The following DENND4A variants were observed in gnomAD, a reference collection of about 807,000 sequenced individuals.
The protein encoded by DENND4A is C-myc promoter-binding protein.
Under a neutral mutation model 199.3 loss-of-function variants are expected in DENND4A, and 70 were observed. The ratio of observed to expected loss-of-function variants is 0.35; its 90% confidence interval spans 0.29 to 0.43. DENND4A has a LOEUF of 0.43. Among genes scored for constraint, DENND4A ranks in the 20% least tolerant of loss-of-function variants. The pLI, the probability that DENND4A is intolerant of heterozygous loss-of-function variation, is 1.00. For synonymous variants in DENND4A, 686 were observed against 766.9 expected (o/e 0.89, Z 1.74); for missense variants, 1,723 against 2,255.8 (o/e 0.76, Z 4.78).
At chr15:65,683,459 G>T (rs902392200) in intron 23 of DENND4A, among the ~76,000 whole-genome samples, 2 of 151,914 alleles carry the variant, frequency 1.3e-5, no homozygotes, top group Non-Finnish European at 2.9e-5. Flanking sequence ...GTTTCTTAAG[G>T]CAGAACCATA....
intron 4 of DENND4A, among the ~76,000 whole-genome samples, chr15:65,742,391 C>A (rs928478729): frequency 6.6e-6 from 1 of 151,860 alleles, no homozygotes; most frequent in African/African-American, 2.4e-5. Flanking sequence ...TCAAGTGATT[C>A]TCATGCCTCA....
At position 65,748,622 on chromosome 15, in the gene DENND4A, TAA is replaced by T. The variant is rs35086835; in HGVS notation, c.561+3755_561+3756del. ...GGGTGACAGAACAAGATCCTGTCTC[TAA>T]AAAAAAAAAAACAAACAAAAAAAAC... On this transcript the variant is annotated intron_variant, in intron 4 of 32. Coordinates refer to ENST00000443035, the MANE Select transcript of DENND4A (RefSeq NM_001320835.1). Among the ~76,000 whole-genome samples, 12 of 127,862 alleles carry T rather than the reference TAA, an allele frequency of 9.4e-5. No homozygotes were observed. The East Asian group carries it at 1.1e-3, about 11-fold the overall frequency. 83.9% of individuals were successfully genotyped at this position (127,862 alleles called of 152,430 possible).
intron 4 of DENND4A, among the ~76,000 whole-genome samples, chr15:65,750,323 G>A (rs962333319): frequency 6.6e-6 from 1 of 152,004 alleles, no homozygotes; most frequent in African/African-American, 2.4e-5. Context: ...AAGACGCTGG[G>A]GACTACTAGA....
chr15:65,699,735 A>G (rs1166723293), intron 20 of DENND4A, among the ~76,000 whole-genome samples: 1 of 150,116 alleles, frequency 6.7e-6, no homozygotes, highest in Non-Finnish European at 1.5e-5. Context: ...GCTGGAGTGC[A>G]GTGGCTTGAT....
intron 7 of DENND4A, 98 bp from the exon 8 acceptor site, chr15:65,732,916 T>C (rs1483864270): frequency 3.0e-6 from 2 of 673,776 alleles, no homozygotes; most frequent in African/African-American, 3.6e-5. Context: ...CAAAGCCCTG[T>C]GTCCCTATTA....
chr15:65,664,192 T>A (rs999738957), intron 32 of DENND4A, 138 bp downstream of exon 32: 41 of 545,638 alleles, frequency 7.5e-5, no homozygotes, highest in East Asian at 2.6e-4. Context: ...CACCTCTTGG[T>A]CCTTAGCAAC....
Position 65,691,318 on chromosome 15 carries a change from G to C in DENND4A, c.3276C>G (p.Asn1092Lys). 1 of 1,613,384 alleles carries C rather than the reference G, an allele frequency of 6.2e-7. No homozygotes were observed. The highest frequency in any genetic ancestry group is 8.5e-7 in the Non-Finnish European group (1 of 1,179,708). ...CTATATCTCCAGGGGTTGCTTCCTG[G>C]TTAATTCTATTGAGCATAAATCCCA... ...VLMGFMLNRINQEATPGDIVE... is the reference protein window; with the variant it reads ...VLMGFMLNRIKQEATPGDIVE... The change falls in exon 23 of 33, where the codon AAC (asparagine) becomes AAG (lysine). Residue 1092 changes from asparagine (N) to lysine (K), a missense_variant. This residue lies in a region of DENND4A where 650 missense variants were observed against 738.1 expected (regional missense o/e 0.88). Transcript: ENST00000443035.
intron 1 of DENND4A, among the ~76,000 whole-genome samples, chr15:65,783,134 G>T (rs1414154185): frequency 2.0e-5 from 3 of 152,120 alleles, no homozygotes; most frequent in Non-Finnish European, 2.9e-5. Context: ...AGGGGAAAAG[G>T]TTTGATTTAA....
intron 11 of DENND4A, among the ~76,000 whole-genome samples, chr15:65,723,487 C>G (rs565570166): frequency 6.6e-6 from 1 of 151,990 alleles, no homozygotes; most frequent in African/African-American, 2.4e-5. Context: ...ACCTATTATA[C>G]TAAATTACTT....
Position 65,700,601 on chromosome 15 carries a change from C to G in DENND4A, c.2776G>C (p.Ala926Pro). Residue 926 changes from alanine to proline, a missense_variant, in exon 20 of 33, where the codon GCA becomes CCA. Physicochemically the swap from Ala to Pro is conservative, Grantham distance 27. Coordinates refer to ENST00000443035, the MANE Select transcript of DENND4A (RefSeq NM_001320835.1). ...TTGATTAAACCCGTATTAAAAGGTG[C>G]CTGCTCCACAGTGTGTGTCCCATGA... ...SGHGTHTVEQ[A>P]PFNTGLIKVY... 3.2e-6 allele frequency: 5 copies of G among 1,546,062 alleles called. No homozygotes were observed. The highest frequency in any genetic ancestry group is 4.4e-6 in the Non-Finnish European group (5 of 1,144,450).
chr15:65,752,493 T>A lies in DENND4A; in HGVS notation c.447A>T (p.Glu149Asp). ...CAGCCAACGTATTCTGAGTCATGTT[T>A]TCAGAGGCTCTTCGGTAAGTGATAT... ...RIYITYRRASENMTQNTLAVT... is the reference protein window; with the variant it reads ...RIYITYRRASDNMTQNTLAVT... Residue 149 changes from glutamate (E) to aspartate (D), a missense_variant, in exon 4 of 33, where the codon GAA becomes GAT. Glu to Asp is a conservative substitution (Grantham distance 45). Coordinates refer to ENST00000443035, the MANE Select transcript of DENND4A (RefSeq NM_001320835.1). The A allele has an allele frequency of 1.2e-6, 2 of 1,613,726 alleles. No homozygotes were observed. The highest frequency in any genetic ancestry group is 1.7e-6 in the Non-Finnish European group (2 of 1,179,802).
chr15:65,668,693 C>G (rs561704144), intron 27 of DENND4A, among the ~76,000 whole-genome samples: 1 of 151,970 alleles, frequency 6.6e-6, no homozygotes, highest in African/African-American at 2.4e-5. Flanking sequence ...TGATGGCAGG[C>G]GCCTGTAATC....
chr15:65,788,052 C>T (rs1427203426), intron 1 of DENND4A, among the ~76,000 whole-genome samples: 1 of 151,858 alleles, frequency 6.6e-6, no homozygotes, highest in African/African-American at 2.4e-5. Context: ...AAAACTATTA[C>T]AAGGTTAGTG....
At chr15:65,720,947 TTATATATATA>T (rs72498783) in intron 12 of DENND4A, among the ~76,000 whole-genome samples, 13,208 of 76,212 alleles carry the variant, frequency 0.17, 2,106 homozygotes, top group Non-Finnish European at 0.24. Context: ...GTTTCATTGA[TTATATATATA>T]TATATATATA....
chr15:65,723,708 C>T (rs2075716669), intron 11 of DENND4A, among the ~76,000 whole-genome samples: 1 of 152,032 alleles, frequency 6.6e-6, no homozygotes, highest in African/African-American at 2.4e-5. Flanking sequence ...AAATTAGGCA[C>T]AGTAAGGGAT....
chr15:65,674,847 TTGTC>T (rs1427923982), intron 24 of DENND4A, among the ~76,000 whole-genome samples: 2 of 152,164 alleles, frequency 1.3e-5, no homozygotes, highest in African/African-American at 4.8e-5. Flanking sequence ...AAATTATACA[TTGTC>T]TGAGATTTGC....
chr15:65,707,041 T>A (rs181683214), intron 14 of DENND4A, among the ~76,000 whole-genome samples: 101 of 152,230 alleles, frequency 6.6e-4, no homozygotes, highest in African/African-American at 2.3e-3. Flanking sequence ...AATAGTGAAT[T>A]CTATATATTT....
chr15:65,792,164 C>A lies in DENND4A; in HGVS notation c.-256G>T. The stretch of plus-strand genomic sequence containing the variant: ...CCGGCGCTCCGCCCTTCGCGGCACC[C>A]CCGCCCGCCCGCCCAGGCCTGCCGT... On this transcript the variant is annotated 5_prime_UTR_variant, in exon 1 of 33. Coordinates refer to ENST00000443035, the MANE Select transcript of DENND4A (RefSeq NM_001320835.1). 1 of 142,178 alleles carries A rather than the reference C, an allele frequency of 7.0e-6. No individual in the cohort carries two copies. Among genetic ancestry groups the A allele is most frequent in the South Asian group, 2.6e-4 (1 of 3,894 alleles). 8.8% of individuals were successfully genotyped at this position (142,178 alleles called of 1,614,324 possible).
intron 14 of DENND4A, among the ~76,000 whole-genome samples, 182 bp from the exon 15 acceptor site, chr15:65,706,406 G>T (rs563913803): frequency 3.9e-4 from 58 of 148,444 alleles, no homozygotes; most frequent in African/African-American, 1.4e-3. Context: ...AGTGCAAACT[G>T]TAAATAGTAT....
Sources: allele counts gnomAD v4.1 joint callset (sites outside exome capture counted in the v4.1 genomes callset), GRCh38; gene constraint gnomAD v4.1.1; regional missense constraint gnomAD v4.1.1; transcripts MANE v1.5; gene names NCBI Gene and HGNC (gene_info 2026-07-23, HGNC 2026-07-21).